TEAD4: variants seen among roughly 807,000 people sequenced by gnomAD.
The protein encoded by TEAD4 is transcriptional enhancer factor TEF-3.
TEAD4 carries 36 observed loss-of-function variants against 52.4 expected under a neutral mutation model. The observed-to-expected ratio is 0.69, with a 90% CI of 0.53 to 0.91. The LOEUF (loss-of-function observed/expected upper bound fraction) is 0.91, where lower values mean the gene tolerates loss of function less well. Ranked by LOEUF, TEAD4 falls within the 40% of genes least tolerant of loss-of-function variation. The probability of loss-of-function intolerance (pLI) is 0.00; values close to 1 mark genes in which losing one functional copy is unlikely to be tolerated. For synonymous variants in TEAD4, 220 were observed against 231.0 expected, an observed-to-expected ratio of 0.95 and a Z score of 0.43; for missense variants, 508 against 583.9, an observed-to-expected ratio of 0.87 and a Z score of 1.34.
intron 2 of TEAD4, among the ~76,000 whole-genome samples, chr12:2,971,817 T>C (rs2098225361): frequency 1.0e-5 from 1 of 100,300 alleles, no homozygotes; most frequent in African/African-American, 7.0e-5. Flanking sequence ...TTTCTTTCTT[T>C]TTTTTTTTTT....
intron 2 of TEAD4, among the ~76,000 whole-genome samples, chr12:2,988,618 T>C (rs1011307370): frequency 6.6e-6 from 1 of 151,684 alleles, no homozygotes; most frequent in Non-Finnish European, 1.5e-5. Flanking sequence ...TGCTAATGAG[T>C]CGATTTAGGG....
intron 3 of TEAD4, among the ~76,000 whole-genome samples, chr12:2,998,243 C>A (rs560484732): frequency 2.6e-5 from 4 of 152,036 alleles, no homozygotes; most frequent in Admixed American, 2.6e-4. Context: ...GTTCATCTGC[C>A]GACAGACATT....
intron 10 of TEAD4, among the ~76,000 whole-genome samples, chr12:3,029,911 C>A (rs933166968): frequency 1.3e-5 from 2 of 151,890 alleles, no homozygotes; most frequent in African/African-American, 4.8e-5. Context: ...GTTTACTGGA[C>A]TTTTTTTTCC....
intron 11 of TEAD4, among the ~76,000 whole-genome samples, chr12:3,039,557 C>T (rs2098281426): frequency 6.6e-6 from 1 of 152,170 alleles, no homozygotes; most frequent in African/African-American, 2.4e-5. Context: ...TCCTCATGTA[C>T]AGTCAGGATT....
chr12:2,963,639 A>G (rs2098217732), intron 2 of TEAD4, among the ~76,000 whole-genome samples: 1 of 152,180 alleles, frequency 6.6e-6, no homozygotes, highest in Non-Finnish European at 1.5e-5. Flanking sequence ...GCTTTCTGAG[A>G]TGACGGTTCT....
At chr12:3,027,013 G>C (rs1453731945) in intron 10 of TEAD4, among the ~76,000 whole-genome samples, 1 of 152,066 alleles carries the variant, frequency 6.6e-6, no homozygotes, top group African/African-American at 2.4e-5. Flanking sequence ...CCCACGCCCA[G>C]ACTAAGTTTT....
In TEAD4 at chr12:3,040,582, G is replaced by A; in HGVS notation, c.*104G>A. The A allele has an allele frequency of 3.9e-6, 4 of 1,031,394 alleles. No individual in the cohort carries two copies. Among genetic ancestry groups the A allele is most frequent in the East Asian group, 2.6e-5 (1 of 39,184 alleles). 63.9% of individuals were successfully genotyped at this position (1,031,394 alleles called of 1,614,324 possible). On this transcript the variant is annotated 3_prime_UTR_variant, in exon 13 of 13. Transcript: ENST00000359864. ...CCCCCTGAAGTGCCAAGAGAGCTGA[G>A]AGGAGCAGTTGTGACTCTACCCAGG...
At chr12:3,014,787 C>T (rs2098263062) in intron 5 of TEAD4, among the ~76,000 whole-genome samples, 1 of 152,228 alleles carries the variant, frequency 6.6e-6, no homozygotes, top group Non-Finnish European at 1.5e-5. Context: ...ACCCCTGCCC[C>T]ACCCTGCCCA....
At chr12:2,973,517 G>A (rs1043359702) in intron 2 of TEAD4, among the ~76,000 whole-genome samples, 1 of 152,252 alleles carries the variant, frequency 6.6e-6, no homozygotes, top group Non-Finnish European at 1.5e-5. Flanking sequence ...AGAGTTTGGT[G>A]TCCTGAGCTG....
chr12:2,969,100 G>A (rs1354779466), intron 2 of TEAD4, among the ~76,000 whole-genome samples: 1 of 152,224 alleles, frequency 6.6e-6, no homozygotes, highest in African/African-American at 2.4e-5. Flanking sequence ...ACTTCATTAT[G>A]TAAAACCACA....
At chr12:2,981,536 G>A (rs2098234121) in intron 2 of TEAD4, among the ~76,000 whole-genome samples, 3 of 152,270 alleles carry the variant, frequency 2.0e-5, no homozygotes, top group Admixed American at 2.0e-4. Flanking sequence ...CTCCACCCAA[G>A]CCTCTGACAC....
At chr12:2,996,263 C>G (rs979508299) in intron 3 of TEAD4, among the ~76,000 whole-genome samples, 1 of 152,084 alleles carries the variant, frequency 6.6e-6, no homozygotes, top group Non-Finnish European at 1.5e-5. Context: ...CCCCCACACC[C>G]AACGCTGGTG....
In TEAD4 at chr12:3,017,483, G is replaced by A; in HGVS notation, c.440G>A (p.Ser147Asn). ...ATCTCCGCCACGGCCTTCCACAGTA[G>A]CATGGCCCTCGCCCGGGGCCCCGGC... Residue 147 changes from serine to asparagine, a missense_variant, in exon 6 of 13, where the codon AGC (serine) becomes AAC (asparagine). Coordinates refer to ENST00000359864, the MANE Select transcript of TEAD4 (RefSeq NM_003213.4). 3 of 1,614,156 alleles carry A rather than the reference G, an allele frequency of 1.9e-6. No individual in the cohort carries two copies. The highest frequency in any genetic ancestry group is 2.2e-5 in the South Asian group (2 of 91,074).
chr12:3,009,210 T>G (rs935659217), intron 3 of TEAD4, among the ~76,000 whole-genome samples: 3 of 152,168 alleles, frequency 2.0e-5, no homozygotes, highest in African/African-American at 7.2e-5. Flanking sequence ...GGTGGATCAC[T>G]TGAGGTCAGG....
At chr12:3,015,527 T>C (rs1344386714) in intron 5 of TEAD4, among the ~76,000 whole-genome samples, 1 of 152,262 alleles carries the variant, frequency 6.6e-6, no homozygotes, top group East Asian at 1.9e-4. Context: ...GGGGGAGCAC[T>C]GAGCCTCTCT....
chr12:2,967,136 A>C (rs1249687349), intron 2 of TEAD4, among the ~76,000 whole-genome samples: 1 of 152,216 alleles, frequency 6.6e-6, no homozygotes, highest in Non-Finnish European at 1.5e-5. Flanking sequence ...TTTCTCTCTT[A>C]AAATTAATAT....
chr12:2,992,168 G>A (rs1366608525), intron 2 of TEAD4, among the ~76,000 whole-genome samples: 15 of 151,906 alleles, frequency 9.9e-5, no homozygotes, highest in Non-Finnish European at 1.6e-4. Context: ...ACAGGCACCC[G>A]CCACCATGCC....
intron 3 of TEAD4, 34 bp from the exon 4 acceptor site, chr12:3,010,970 T>C (rs1565541577): frequency 6.2e-7 from 1 of 1,613,536 alleles, no homozygotes; most frequent in Non-Finnish European, 8.5e-7. Flanking sequence ...CTTTTGTCCT[T>C]CTCTCCACTG....
At chr12:2,961,235 C>G (rs1336768968) in intron 2 of TEAD4, among the ~76,000 whole-genome samples, 1 of 152,178 alleles carries the variant, frequency 6.6e-6, no homozygotes, top group Admixed American at 6.5e-5. Context: ...TGGTTTAACT[C>G]TCCTCGGAGC....
Sources: gnomAD v4.1 joint callset for allele counts (sites outside exome capture counted in the v4.1 genomes callset) on GRCh38, gnomAD v4.1.1 for gene constraint, MANE v1.5 for transcripts, NCBI Gene and HGNC (gene_info 2026-07-23, HGNC 2026-07-21) for gene names.